The following FNDC3B variants were observed in gnomAD, a reference collection of about 807,000 sequenced individuals.
The protein encoded by FNDC3B is fibronectin type III domain-containing protein 3B.
FNDC3B carries 12 observed loss-of-function variants against 151.5 expected under a neutral mutation model. The observed-to-expected ratio is 0.08, with a 90% CI of 0.05 to 0.13. The LOEUF (loss-of-function observed/expected upper bound fraction) is 0.13, where lower values mean the gene tolerates loss of function less well. Ranked by LOEUF, FNDC3B falls within the 10% of genes least tolerant of loss-of-function variation. FNDC3B has a pLI of 1.00. For missense variants in FNDC3B, 1,214 were observed against 1,505.3 expected (o/e 0.81, Z 3.20); for synonymous variants, 528 against 549.0 (o/e 0.96, Z 0.54).
chr3:172,062,288 C>T (rs922217808), intron 1 of FNDC3B, among the ~76,000 whole-genome samples: 4 of 151,886 alleles, frequency 2.6e-5, no homozygotes, highest in Admixed American at 6.6e-5. Flanking sequence ...CCCTAGTACC[C>T]CAATTTCTGC....
chr3:172,067,828 A>C (rs1295503094), intron 1 of FNDC3B, among the ~76,000 whole-genome samples: 1 of 152,194 alleles, frequency 6.6e-6, no homozygotes, highest in Non-Finnish European at 1.5e-5. Context: ...TCTGCCACTT[A>C]ACCTGCAAGA....
intron 3 of FNDC3B, among the ~76,000 whole-genome samples, chr3:172,165,110 C>T (rs2108624328): frequency 6.6e-6 from 1 of 152,284 alleles, no homozygotes; most frequent in Non-Finnish European, 1.5e-5. Context: ...ACCTCCTGGG[C>T]TCAAGTAATC....
intron 6 of FNDC3B, among the ~76,000 whole-genome samples, chr3:172,264,813 AT>A (rs1454644936): frequency 6.6e-6 from 1 of 152,220 alleles, no homozygotes; most frequent in Non-Finnish European, 1.5e-5. Context: ...TTTTAAGACT[AT>A]GTTACAAGCT....
At chr3:172,242,574 C>G (rs1340605713) in intron 4 of FNDC3B, among the ~76,000 whole-genome samples, 2 of 152,196 alleles carry the variant, frequency 1.3e-5, no homozygotes, top group African/African-American at 4.8e-5. Context: ...TGTACCTTGG[C>G]CCCTTTCAGT....
At chr3:172,246,225 T>C (rs1005828446) in intron 4 of FNDC3B, among the ~76,000 whole-genome samples, 1 of 151,256 alleles carries the variant, frequency 6.6e-6, no homozygotes, top group African/African-American at 2.4e-5. Context: ...CCTGTCAGAG[T>C]GTGTGCCCGA....
chr3:172,266,440 T>C (rs1728928477), intron 6 of FNDC3B, among the ~76,000 whole-genome samples: 1 of 152,194 alleles, frequency 6.6e-6, no homozygotes, highest in East Asian at 1.9e-4. Context: ...TCCTGAGTAG[T>C]TGGGACTATA....
At chr3:172,091,942 C>G (rs1443913586) in intron 1 of FNDC3B, among the ~76,000 whole-genome samples, 1 of 135,738 alleles carries the variant, frequency 7.4e-6, no homozygotes, top group Non-Finnish European at 1.6e-5. Flanking sequence ...AGTGCTGTAA[C>G]AGATGGCTTT....
At chr3:172,244,617 C>CT (rs11294678) in intron 4 of FNDC3B, among the ~76,000 whole-genome samples, 3,389 of 73,134 alleles carry the variant, frequency 0.046, 153 homozygotes, top group African/African-American at 0.074. Context: ...AATATTTCAC[C>CT]TTTTTTTTTT....
intron 13 of FNDC3B, among the ~76,000 whole-genome samples, chr3:172,331,926 C>G (rs13096537): frequency 0.4 from 61,141 of 151,962 alleles, 12,822 homozygotes; most frequent in East Asian, 0.71. Context: ...ATACAACTCT[C>G]GAGCACCTGA....
At chr3:172,350,092 C>T (rs1733791058) in intron 21 of FNDC3B, among the ~76,000 whole-genome samples, 1 of 152,082 alleles carries the variant, frequency 6.6e-6, no homozygotes, top group Admixed American at 6.5e-5. Context: ...AAAAGTAGTA[C>T]ACAATAAAAA....
At chr3:172,198,637 T>A (rs1724974555) in intron 3 of FNDC3B, among the ~76,000 whole-genome samples, 1 of 152,168 alleles carries the variant, frequency 6.6e-6, no homozygotes, top group Non-Finnish European at 1.5e-5. Flanking sequence ...GTAGGTGATG[T>A]CTTCCTCCTG....
At chr3:172,138,448 A>G (rs1190312562) in intron 3 of FNDC3B, among the ~76,000 whole-genome samples, 2 of 152,230 alleles carry the variant, frequency 1.3e-5, no homozygotes, top group Non-Finnish European at 2.9e-5. Flanking sequence ...AGCAGTCTCT[A>G]AATCTCAATA....
intron 9 of FNDC3B, among the ~76,000 whole-genome samples, chr3:172,305,043 G>A (rs1560068080): frequency 6.6e-6 from 1 of 152,120 alleles, no homozygotes; most frequent in Non-Finnish European, 1.5e-5. Context: ...GTTAGATATA[G>A]TCAGAAGTAG....
intron 25 of FNDC3B, among the ~76,000 whole-genome samples, chr3:172,389,560 A>G (rs1735897426): frequency 6.6e-6 from 1 of 152,192 alleles, no homozygotes; most frequent in Admixed American, 6.5e-5. Flanking sequence ...AATGATTAAA[A>G]CATATTAGAA....
rs185637941 is a variant in FNDC3B, at chr3:172,285,166, C to T, written c.791-760C>T. ...GAGCAAGCCGAAAACTAGGAATTAG[C>T]CTTGGTGTGTCACGTTTCCTCACCC... On this transcript the variant is annotated intron_variant, in intron 6 of 25. Coordinates refer to ENST00000415807, the MANE Select transcript of FNDC3B (RefSeq NM_022763.4). Among the ~76,000 whole-genome samples, 1,213 of 152,214 alleles carry T rather than the reference C, an allele frequency of 8.0e-3. 8 individuals carry two copies. Among genetic ancestry groups the T allele is most frequent in the Non-Finnish European group, 0.012 (847 of 68,028 alleles).
intron 1 of FNDC3B, among the ~76,000 whole-genome samples, chr3:172,047,795 T>A (rs1434125152): frequency 6.6e-6 from 1 of 152,200 alleles, no homozygotes; most frequent in African/African-American, 2.4e-5. Context: ...CAACTATGCC[T>A]ATTTATTGGT....
chr3:172,366,223 G>A lies in FNDC3B; in HGVS notation c.3008+3378G>A, dbSNP rs1185838614. Reference sequence around the variant, plus strand: ...ATATACCTCTCAGAAAATTTGAAATGACCAAGAGATTTACAAATGCAATGT... The same window carrying A: ...ATATACCTCTCAGAAAATTTGAAATAACCAAGAGATTTACAAATGCAATGT... On this transcript the variant is annotated intron_variant, in intron 23 of 25. Transcript: ENST00000415807. Among the ~76,000 whole-genome samples the A allele has an allele frequency of 2.6e-5, 4 of 152,240 alleles. No homozygotes were observed. The East Asian group carries it at 7.7e-4, about 29-fold the overall frequency.
At chr3:172,064,414 A>G (rs1353135167) in intron 1 of FNDC3B, among the ~76,000 whole-genome samples, 2 of 152,186 alleles carry the variant, frequency 1.3e-5, no homozygotes, top group African/African-American at 2.4e-5. Context: ...ATTTTTATTT[A>G]TAATCTATCT....
chr3:172,397,148 T>C lies in FNDC3B; in HGVS notation c.3304-16T>C, dbSNP rs1487631933. 1.3e-6 allele frequency: 2 copies of C among 1,577,398 alleles called. No homozygotes were observed. The highest frequency in any genetic ancestry group is 2.3e-5 in the South Asian group (2 of 86,208). On this transcript the variant is annotated splice_polypyrimidine_tract_variant and intron_variant, in intron 25 of 25. Coordinates refer to ENST00000415807, the MANE Select transcript of FNDC3B (RefSeq NM_022763.4). ...TTGCTATAAATTAATTAACTAGGAC[T>C]CTTCTTTTCCTGAAGGTGTACAAGG... is the stretch of plus-strand genomic sequence containing the variant.
Sources: gnomAD v4.1 joint callset for allele counts (sites outside exome capture counted in the v4.1 genomes callset) on GRCh38, gnomAD v4.1.1 for gene constraint, MANE v1.5 for transcripts, NCBI Gene and HGNC (gene_info 2026-07-23, HGNC 2026-07-21) for gene names.